The following ITPR3 variants were observed in gnomAD, a reference collection of about 807,000 sequenced individuals.
The protein encoded by ITPR3 is inositol 1,4,5-trisphosphate receptor type 3, also known as inositol 1,4,5-trisphosphate-gated calcium channel ITPR3.
ITPR3 carries 173 observed loss-of-function variants against 293.2 expected under a neutral mutation model. The observed-to-expected ratio is 0.59, with a 90% CI of 0.52 to 0.67. The LOEUF (loss-of-function observed/expected upper bound fraction) is 0.67. Among genes scored for constraint, ITPR3 ranks in the 30% least tolerant of loss-of-function variants. ITPR3 has a pLI of 0.00. For missense variants in ITPR3, 2,796 were observed against 3,592.1 expected (o/e 0.78, Z 5.66); for synonymous variants, 1,295 against 1,444.4 (o/e 0.90, Z 2.35).
chr6:33,660,052 A>G (rs1764422576), intron 7 of ITPR3, among the ~76,000 whole-genome samples: 1 of 152,152 alleles, frequency 6.6e-6, no homozygotes, highest in Non-Finnish European at 1.5e-5. Flanking sequence ...ACTGCAGTGA[A>G]GACTTCGGGA....
Position 33,621,943 on chromosome 6 carries a change from C to A in ITPR3, c.89+252C>A, listed in dbSNP as rs1013631195. On this transcript the variant is annotated intron_variant, in intron 1 of 57. Coordinates refer to ENST00000605930, the MANE Select transcript of ITPR3 (RefSeq NM_002224.4). The surrounding 1 kb of genome is among the most constrained non-coding windows in gnomAD (Gnocchi z 7.7). ...GGCGCAGCCTCTACCCTCCCGCGCACGCCTTTGGAGGGGGCGGAGGGACGG... is the reference window on the plus strand; with the variant it reads ...GGCGCAGCCTCTACCCTCCCGCGCAAGCCTTTGGAGGGGGCGGAGGGACGG... 1.3e-5 allele frequency among the ~76,000 whole-genome samples: 2 copies of A among 152,176 alleles called. No homozygotes were observed. The highest frequency in any genetic ancestry group is 4.8e-5 in the African/African-American group (2 of 41,456).
chr6:33,653,937 C>T (rs891974905), intron 2 of ITPR3, among the ~76,000 whole-genome samples: 28 of 152,144 alleles, frequency 1.8e-4, no homozygotes, highest in Non-Finnish European at 3.2e-4. Context: ...GGCAGGAGGA[C>T]CCCAGCTGCC....
Position 33,675,653 on chromosome 6 carries a change from C to T in ITPR3, c.3117-38C>T, listed in dbSNP as rs375944157. Reference sequence around the variant, plus strand: ...CCACCACGGACAGCAGGGAGTGTGCCAGTCTCACCCATGCGCCCTGCACCC... The same window carrying T: ...CCACCACGGACAGCAGGGAGTGTGCTAGTCTCACCCATGCGCCCTGCACCC... On this transcript the variant is annotated intron_variant, in intron 24 of 57. Transcript: ENST00000605930. The surrounding 1 kb of genome is among the most constrained non-coding windows in gnomAD (Gnocchi z 5.0). 944 of 1,547,120 alleles carry T rather than the reference C, an allele frequency of 6.1e-4. No homozygotes were observed. The highest frequency in any genetic ancestry group is 7.8e-4 in the Non-Finnish European group (888 of 1,142,956).
chr6:33,661,758 G>A (rs907550181), intron 7 of ITPR3, among the ~76,000 whole-genome samples: 7 of 152,082 alleles, frequency 4.6e-5, no homozygotes, highest in Non-Finnish European at 1.0e-4. Context: ...ACTTTGGGAA[G>A]CTGAGGTGGG....
At position 33,684,734 on chromosome 6, in the gene ITPR3, C is replaced by T. The variant is rs921236052; in HGVS notation, c.5138-40C>T. 1 of 1,610,794 alleles carries T rather than the reference C, an allele frequency of 6.2e-7. No homozygotes were observed. Among genetic ancestry groups the T allele is most frequent in the Non-Finnish European group, 8.5e-7 (1 of 1,177,858 alleles). Reference sequence around the variant, plus strand: ...CCCCCGGGCCCTCCCTTCCACTCTCCTGTCACACCAGCTCTCCCTCAACCG... The same window carrying T: ...CCCCCGGGCCCTCCCTTCCACTCTCTTGTCACACCAGCTCTCCCTCAACCG... On this transcript the variant is annotated intron_variant, in intron 38 of 57. Transcript: ENST00000605930. This position sits in a 1 kb window ranked among gnomAD's most constrained non-coding sequence, Gnocchi z 4.2.
Position 33,685,785 on chromosome 6 carries a change from C to T in ITPR3, c.5625C>T (p.Arg1875=). The T allele has an allele frequency of 1.3e-6, 2 of 1,589,158 alleles. No individual in the cohort carries two copies. Among genetic ancestry groups the T allele is most frequent in the Non-Finnish European group, 1.7e-6 (2 of 1,164,608 alleles). ...TSVLIMQPIL[R]FLQLLCENHN... is the part of the protein sequence containing the mutation. ...TGCTCATCATGCAGCCCATCCTGCG[C>T]TTTCTGCAGCTGCTGTGTGAGAACC... The change falls in exon 41 of 58, where the codon CGC becomes CGT. Residue 1875 remains arginine, a synonymous_variant. Coordinates refer to ENST00000605930, the MANE Select transcript of ITPR3 (RefSeq NM_002224.4).
intron 1 of ITPR3, 37 bp from the exon 2 acceptor site, chr6:33,640,447 T>C (rs773396491): frequency 6.3e-7 from 1 of 1,595,316 alleles, no homozygotes; most frequent in East Asian, 2.3e-5. Context: ...GAGATAGGTC[T>C]CTTCTCTCCT....
In ITPR3 at chr6:33,675,907, CG is replaced by C; in HGVS notation, c.3282+57del. 6.7e-7 allele frequency: 1 copy of C among 1,482,888 alleles called. No homozygotes were observed. 91.9% of individuals were successfully genotyped at this position (1,482,888 alleles called of 1,614,324 possible). On this transcript the variant is annotated intron_variant, in intron 25 of 57. Coordinates refer to ENST00000605930, the MANE Select transcript of ITPR3 (RefSeq NM_002224.4). The surrounding 1 kb of genome is among the most constrained non-coding windows in gnomAD (Gnocchi z 5.0). ...CTGAGCATGAGGCCTGCACCAGGCA[CG>C]GGGGGACAGTAAACGATGATTGAGG... is the stretch of plus-strand genomic sequence containing the variant.
At chr6:33,636,639 C>T (rs1366285931) in intron 1 of ITPR3, among the ~76,000 whole-genome samples, 3 of 151,836 alleles carry the variant, frequency 2.0e-5, no homozygotes, top group African/African-American at 7.3e-5. Flanking sequence ...TCTGGAGGAG[C>T]ATGTTCCGGT....
intron 28 of ITPR3, 78 bp from the exon 29 acceptor site, chr6:33,678,343 G>C (rs1378819307): frequency 1.3e-6 from 2 of 1,574,594 alleles, no homozygotes; most frequent in Non-Finnish European, 1.7e-6. Flanking sequence ...ACCCACCCCT[G>C]CTCCTGTCAG....
In ITPR3 at chr6:33,680,421, G is replaced by T; in HGVS notation, c.4317G>T (p.Thr1439=). ...TCTACACCAGCAACCACATCTGGAC[G>T]CTCTTTGAGAACTTCACCCTGGACA... ...KEIYTSNHIW[T]LFENFTLDMA... is the part of the protein sequence containing the mutation. Residue 1439 remains threonine (T), a synonymous_variant, in exon 32 of 58, where the codon ACG becomes ACT. Coordinates refer to ENST00000605930, the MANE Select transcript of ITPR3 (RefSeq NM_002224.4). 6.2e-7 allele frequency: 1 copy of T among 1,613,520 alleles called. No homozygotes were observed. Among genetic ancestry groups the T allele is most frequent in the Non-Finnish European group, 8.5e-7 (1 of 1,180,024 alleles).
rs539041682 is a variant in ITPR3 at position 33,684,203 on chromosome 6, G to A, written c.4937+35G>A. The A allele has an allele frequency of 2.2e-5, 35 of 1,605,038 alleles. No individual in the cohort carries two copies. Among genetic ancestry groups the A allele is most frequent in the Non-Finnish European group, 2.7e-5 (32 of 1,177,242 alleles). ...ACACTGGGGCATGGGGGCAGCAGGGGTGCAGCGGCAGGGGACAGAGAAGGG... is the reference window on the plus strand; with the variant it reads ...ACACTGGGGCATGGGGGCAGCAGGGATGCAGCGGCAGGGGACAGAGAAGGG... On this transcript the variant is annotated intron_variant, in intron 36 of 57. Transcript: ENST00000605930. This position sits in a 1 kb window ranked among gnomAD's most constrained non-coding sequence, Gnocchi z 4.2.
At position 33,675,625 on chromosome 6, in the gene ITPR3, T is replaced by C; in HGVS notation, c.3117-66T>C. ...AGAGTGTGCTTGTGCCAGGGCCCCT[T>C]ACCCACCACGGACAGCAGGGAGTGT... is the stretch of plus-strand genomic sequence containing the variant. On this transcript the variant is annotated intron_variant, in intron 24 of 57. Transcript: ENST00000605930. This position sits in a 1 kb window ranked among gnomAD's most constrained non-coding sequence, Gnocchi z 5.0. 6 of 1,506,938 alleles carry C rather than the reference T, an allele frequency of 4.0e-6. No individual in the cohort carries two copies. The highest frequency in any genetic ancestry group is 5.3e-6 in the Non-Finnish European group (6 of 1,123,494). The allele number at this position is 1,506,938 out of a possible 1,614,324, so 93.3% of individuals were successfully genotyped here.
chr6:33,652,702 G>A lies in ITPR3; in HGVS notation c.161-3064G>A, dbSNP rs1484863956. Among the ~76,000 whole-genome samples the A allele has an allele frequency of 3.3e-5, 5 of 152,212 alleles. No homozygotes were observed. The South Asian group carries it at 8.3e-4, about 25-fold the overall frequency. ...GCTGGTCTCGAACTCCTGACCTCGT[G>A]ATCTGCCCGCCTTGGCCTCCCAAAG... On this transcript the variant is annotated intron_variant, in intron 2 of 57. Coordinates refer to ENST00000605930, the MANE Select transcript of ITPR3 (RefSeq NM_002224.4).
In ITPR3 at chr6:33,630,308, C is replaced by T. The variant is rs572006593; in HGVS notation, c.89+8617C>T. Among the ~76,000 whole-genome samples, 33 of 152,258 alleles carry T rather than the reference C, an allele frequency of 2.2e-4. No homozygotes were observed. The South Asian group carries it at 6.4e-3, about 30-fold the overall frequency. Reference sequence around the variant, plus strand: ...TTGCTTTGTTTCCCAGAGAGCTCTGCGGAGGTTTGGAGCCAGGGCGAGTTG... The same window carrying T: ...TTGCTTTGTTTCCCAGAGAGCTCTGTGGAGGTTTGGAGCCAGGGCGAGTTG... On this transcript the variant is annotated intron_variant, in intron 1 of 57. Coordinates refer to ENST00000605930, the MANE Select transcript of ITPR3 (RefSeq NM_002224.4).
At chr6:33,660,111 CCATT>C (rs1185595725) in intron 7 of ITPR3, among the ~76,000 whole-genome samples, 9 of 152,124 alleles carry the variant, frequency 5.9e-5, no homozygotes, top group Non-Finnish European at 8.8e-5. Context: ...ACCAGAGAGA[CCATT>C]CAAGAAACCC....
At chr6:33,644,788 C>T (rs1229799860) in intron 2 of ITPR3, among the ~76,000 whole-genome samples, 1 of 151,314 alleles carries the variant, frequency 6.6e-6, no homozygotes, top group Non-Finnish European at 1.5e-5. Context: ...CTCAGCCTCC[C>T]AAGTAGCTGA....
At position 33,679,877 on chromosome 6, in the gene ITPR3, C is replaced by A; in HGVS notation, c.3973-5C>A. 6.2e-7 allele frequency: 1 copy of A among 1,608,580 alleles called. No homozygotes were observed. Among genetic ancestry groups the A allele is most frequent in the Non-Finnish European group, 8.5e-7 (1 of 1,175,938 alleles). On this transcript the variant is annotated splice_polypyrimidine_tract_variant and splice_region_variant and intron_variant, in intron 30 of 57. Transcript: ENST00000605930. The surrounding 1 kb of genome is among the most constrained non-coding windows in gnomAD (Gnocchi z 4.2). ...AGTGTGACACGTGCCCCCTCCCACC[C>A]GCAGCTGACCAATGCAGGTGACGAT...
rs2229637 is a variant in ITPR3, at chr6:33,675,781, G to A, written c.3207G>A (p.Pro1069=). The change falls in exon 25 of 58, where the codon CCG becomes CCA. Residue 1069 remains proline, a synonymous_variant. Coordinates refer to ENST00000605930, the MANE Select transcript of ITPR3 (RefSeq NM_002224.4). This position sits in a 1 kb window ranked among gnomAD's most constrained non-coding sequence, Gnocchi z 5.0. ...LIHLTMHDYA[P]LVSGALQLLF... ...ACCTCACCATGCACGACTATGCGCC[G>A]CTGGTCTCGGGTGCCCTGCAGCTGC... The A allele has an allele frequency of 0.26, 425,258 of 1,609,852 alleles. 58,852 individuals are homozygous for A. The highest frequency in any genetic ancestry group is 0.3 in the Middle Eastern group (1,822 of 6,044).
Sources: allele counts gnomAD v4.1 joint callset (sites outside exome capture counted in the v4.1 genomes callset), GRCh38; gene constraint gnomAD v4.1.1; non-coding constraint Gnocchi (gnomAD v3.1); transcripts MANE v1.5; gene names NCBI Gene and HGNC (gene_info 2026-07-23, HGNC 2026-07-21).